The following DLG2 variants were observed in gnomAD, a reference collection of about 807,000 sequenced individuals.
DLG2 encodes disks large homolog 2.
DLG2 carries 45 observed loss-of-function variants against 132.5 expected under a neutral mutation model. That is an observed-to-expected ratio of 0.34 (90% CI 0.27 to 0.44). The LOEUF is 0.44. Ranked by LOEUF, DLG2 falls within the 20% of genes least tolerant of loss-of-function variation. The pLI, the probability that DLG2 is intolerant of heterozygous loss-of-function variation, is 1.00. For synonymous variants in DLG2, 424 were observed against 419.6 expected (o/e 1.01, Z -0.13); for missense variants, 1,045 against 1,196.9 (o/e 0.87, Z 1.87).
At chr11:85,364,954 A>G (rs1229264007) in intron 3 of DLG2, among the ~76,000 whole-genome samples, 4 of 151,866 alleles carry the variant, frequency 2.6e-5, no homozygotes, top group African/African-American at 9.7e-5. Flanking sequence ...TCCATCTCCT[A>G]GAGAGGATTA....
chr11:83,735,158 G>A (rs931192011), intron 18 of DLG2, among the ~76,000 whole-genome samples: 3 of 151,736 alleles, frequency 2.0e-5, no homozygotes, highest in African/African-American at 7.3e-5. Flanking sequence ...GGAAGGTGAG[G>A]GCATCACAAT....
intron 11 of DLG2, among the ~76,000 whole-genome samples, chr11:84,023,133 C>T (rs2095441607): frequency 2.0e-5 from 3 of 152,062 alleles, no homozygotes; most frequent in Admixed American, 6.6e-5. Context: ...TGAGTTATTT[C>T]ACTACTAAAA....
intron 6 of DLG2, among the ~76,000 whole-genome samples, chr11:84,791,409 T>C (rs2073826047): frequency 6.6e-6 from 1 of 152,192 alleles, no homozygotes; most frequent in African/African-American, 2.4e-5. Flanking sequence ...TTGCTCAGAA[T>C]AGTTTTGGCT....
chr11:85,405,803 G>C (rs2088670146), intron 3 of DLG2, among the ~76,000 whole-genome samples: 2 of 151,948 alleles, frequency 1.3e-5, no homozygotes, highest in African/African-American at 4.8e-5. Context: ...ACTATAAAGA[G>C]AGGTGAAAGA....
intron 21 of DLG2, among the ~76,000 whole-genome samples, chr11:83,520,568 T>C: frequency 6.6e-6 from 1 of 152,002 alleles, no homozygotes; most frequent in Non-Finnish European, 1.5e-5. Context: ...GCTAACTAGC[T>C]AGGTAGGTAA....
Position 84,339,509 on chromosome 11 carries a change from A to G in DLG2, c.520-88218T>C, listed in dbSNP as rs117582637. Among the ~76,000 whole-genome samples, 69 of 152,298 alleles carry G rather than the reference A, an allele frequency of 4.5e-4. No individual in the cohort carries two copies. The East Asian group carries it at 0.012, about 26-fold the overall frequency. ...CTCTTTATTTTTAAGAAAATCCTAG[A>G]GCAGAGAATTTTAAGACGGTGATCT... is the stretch of plus-strand genomic sequence containing the variant. On this transcript the variant is annotated intron_variant, in intron 7 of 27. Coordinates refer to ENST00000376104, the MANE Select transcript of DLG2 (RefSeq NM_001142699.3).
At chr11:83,869,118 C>CA (rs1229267484) in intron 16 of DLG2, among the ~76,000 whole-genome samples, 1 of 152,108 alleles carries the variant, frequency 6.6e-6, no homozygotes, top group Admixed American at 6.6e-5. Context: ...GACATCTTGC[C>CA]AAAATCACAC....
chr11:84,196,341 T>C (rs2096516571), intron 8 of DLG2, among the ~76,000 whole-genome samples: 1 of 151,974 alleles, frequency 6.6e-6, no homozygotes, highest in Non-Finnish European at 1.5e-5. Context: ...CTACCACAGA[T>C]GGGTATAGGG....
chr11:85,108,495 A>T (rs146597169), intron 6 of DLG2, among the ~76,000 whole-genome samples: 2 of 152,220 alleles, frequency 1.3e-5, no homozygotes, highest in East Asian at 1.9e-4. Flanking sequence ...AATTTCATAC[A>T]TATCATAGTT....
rs115696654 is a variant in DLG2, at chr11:83,635,269, C to T, written c.1826-1944G>A. Among the ~76,000 whole-genome samples the T allele has an allele frequency of 9.9e-3, 1,499 of 152,148 alleles. 28 individuals are homozygous for T. The highest frequency in any genetic ancestry group is 0.034 in the African/African-American group (1,398 of 41,510). ...TTAAAATTAAGGAAAAATAAAGATA[C>T]GATACTGTATGCAGATTTAAATCAT... is the stretch of plus-strand genomic sequence containing the variant. On this transcript the variant is annotated intron_variant, in intron 18 of 27. Coordinates refer to ENST00000376104, the MANE Select transcript of DLG2 (RefSeq NM_001142699.3).
chr11:83,811,922 G>C (rs1042365299), intron 17 of DLG2, among the ~76,000 whole-genome samples: 2 of 152,106 alleles, frequency 1.3e-5, no homozygotes, highest in Admixed American at 1.3e-4. Flanking sequence ...ACTGAGGACT[G>C]GGAGTGTGTA....
At chr11:84,015,848 A>G (rs2095151765) in intron 11 of DLG2, among the ~76,000 whole-genome samples, 1 of 152,084 alleles carries the variant, frequency 6.6e-6, no homozygotes, top group African/African-American at 2.4e-5. Flanking sequence ...ATGAACTTAC[A>G]TGTGCATGTA....
At chr11:84,825,640 C>T (rs1039423666) in intron 6 of DLG2, among the ~76,000 whole-genome samples, 1 of 151,892 alleles carries the variant, frequency 6.6e-6, no homozygotes, top group African/African-American at 2.4e-5. Flanking sequence ...CCAGAGATAT[C>T]CTCACTGTGT....
At chr11:85,487,286 G>C (rs771220622) in intron 3 of DLG2, among the ~76,000 whole-genome samples, 10 of 151,522 alleles carry the variant, frequency 6.6e-5, no homozygotes, top group Admixed American at 3.3e-4. Flanking sequence ...TACCATCAAA[G>C]GAACACAACA....
intron 6 of DLG2, among the ~76,000 whole-genome samples, chr11:84,783,379 A>G (rs550176977): frequency 7.8e-4 from 119 of 152,120 alleles, no homozygotes; most frequent in Non-Finnish European, 1.2e-3. Context: ...TGTGCCCCTT[A>G]AATGCTAAAT....
At chr11:84,293,802 T>C (rs549830148) in intron 7 of DLG2, among the ~76,000 whole-genome samples, 3 of 152,340 alleles carry the variant, frequency 2.0e-5, no homozygotes, top group African/African-American at 7.2e-5. Flanking sequence ...GAGATGATTA[T>C]ATGGACAATC....
At chr11:84,628,850 A>G (rs555624592) in intron 6 of DLG2, among the ~76,000 whole-genome samples, 1 of 152,332 alleles carries the variant, frequency 6.6e-6, no homozygotes, top group Non-Finnish European at 1.5e-5. Flanking sequence ...AAAGTGTTCA[A>G]TGAATAGTTG....
chr11:84,862,084 C>T (rs1466071134), intron 6 of DLG2, among the ~76,000 whole-genome samples: 2 of 151,514 alleles, frequency 1.3e-5, no homozygotes, highest in Non-Finnish European at 2.9e-5. Context: ...ATACCTAATG[C>T]TAGATGACGA....
chr11:85,593,127 G>A (rs1390194981), intron 3 of DLG2, among the ~76,000 whole-genome samples: 1 of 151,994 alleles, frequency 6.6e-6, no homozygotes, highest in Non-Finnish European at 1.5e-5. Context: ...GTGAGTTTAT[G>A]GATTACAAAG....
Sources: allele counts gnomAD v4.1 joint callset (sites outside exome capture counted in the v4.1 genomes callset), GRCh38; gene constraint gnomAD v4.1.1; transcripts MANE v1.5; gene names NCBI Gene and HGNC (gene_info 2026-07-23, HGNC 2026-07-21).